L1TD1: variants seen among roughly 807,000 people sequenced by gnomAD.
L1TD1 encodes the protein LINE-1 type transposase domain-containing protein 1.
In L1TD1, 26 loss-of-function variants were observed where a neutral mutation model predicts 25.7. The observed-to-expected ratio is 1.01, with a 90% CI of 0.74 to 1.40. L1TD1 has a LOEUF of 1.40. Ranked by LOEUF, L1TD1 falls within the 40% of genes most tolerant of loss-of-function variation. The pLI is 0.00. For synonymous variants in L1TD1, 421 were observed against 335.6 expected, an observed-to-expected ratio of 1.25 and a Z score of -2.78; for missense variants, 1,130 against 975.0, an observed-to-expected ratio of 1.16 and a Z score of -2.12.
intron 2 of L1TD1, among the ~76,000 whole-genome samples, chr1:62,201,490 T>A (rs375213317): frequency 0.2 from 25,927 of 132,806 alleles, 3,076 homozygotes; most frequent in Middle Eastern, 0.31. Flanking sequence ...AGACCCTGCT[T>A]AAAAAAAAAA....
chr1:62,209,065 T>G (rs1670807599), intron 3 of L1TD1, among the ~76,000 whole-genome samples: 1 of 152,170 alleles, frequency 6.6e-6, no homozygotes, highest in Admixed American at 6.5e-5. Context: ...ACATTTATAT[T>G]GCAGACATCA....
At chr1:62,197,295 G>C (rs1436573035) in intron 2 of L1TD1, among the ~76,000 whole-genome samples, 1 of 151,222 alleles carries the variant, frequency 6.6e-6, no homozygotes, top group Non-Finnish European at 1.5e-5. Context: ...GCTGAGGCAG[G>C]AGAATCGCTT....
intron 2 of L1TD1, 146 bp downstream of exon 2, chr1:62,196,674 C>T (rs1297329569): frequency 6.6e-6 from 1 of 152,202 alleles, no homozygotes; most frequent in African/African-American, 2.4e-5. Context: ...CTCACTGCAA[C>T]CTACGCCTCC....
intron 2 of L1TD1, among the ~76,000 whole-genome samples, chr1:62,201,003 A>G (rs1670629446): frequency 6.6e-6 from 1 of 151,802 alleles, no homozygotes; most frequent in South Asian, 2.1e-4. Flanking sequence ...CGTTAACCCT[A>G]ATTCAACCTC....
Position 62,212,230 on chromosome 1 carries a change from GTC to G in L1TD1, c.*860_*861del, listed in dbSNP as rs1670891642. The stretch of plus-strand genomic sequence containing the variant: ...CCATCCTGGGCAATGTGGCGAAAGT[GTC>G]TACAAAAAAATACAAAAAGAGGAAG... On this transcript the variant is annotated 3_prime_UTR_variant, in exon 4 of 4. Transcript: ENST00000498273. 1 of 152,042 alleles carries G rather than the reference GTC, an allele frequency of 6.6e-6. No individual in the cohort carries two copies. The highest frequency in any genetic ancestry group is 2.4e-5 in the African/African-American group (1 of 41,384). The allele number at this position is 152,042 out of a possible 1,614,324, so 9.4% of individuals were successfully genotyped here.
intron 2 of L1TD1, among the ~76,000 whole-genome samples, chr1:62,200,907 T>C (rs1240589392): frequency 1.3e-5 from 2 of 152,096 alleles, no homozygotes; most frequent in African/African-American, 4.8e-5. Context: ...TTAGTTTTAG[T>C]TTATTTGTTT....
Position 62,206,611 on chromosome 1 carries a change from CTT to C in L1TD1, c.-17_-16del, listed in dbSNP as rs1377969586. 8.9e-6 allele frequency: 13 copies of C among 1,467,842 alleles called. No homozygotes were observed. Among genetic ancestry groups the C allele is most frequent in the Non-Finnish European group, 1.2e-5 (13 of 1,108,920 alleles). The allele number at this position is 1,467,842 out of a possible 1,614,324, so 90.9% of individuals were successfully genotyped here. On this transcript the variant is annotated 5_prime_UTR_variant, in exon 3 of 4. Coordinates refer to ENST00000498273, the MANE Select transcript of L1TD1 (RefSeq NM_019079.5). ...GTAGGAATTAAAAACAGAATCCAGT[CTT>C]GACAACATATCCACAATGTCTGATG...
chr1:62,205,415 CTCTATATATATATA>C (rs1480922219), intron 2 of L1TD1, among the ~76,000 whole-genome samples: 1 of 33,892 alleles, frequency 3.0e-5, no homozygotes, highest in Non-Finnish European at 5.3e-5. Context: ...CTCTCTCTCT[CTCTATATATATATA>C]TATATATATA....
At chr1:62,203,610 G>C (rs537585292) in intron 2 of L1TD1, among the ~76,000 whole-genome samples, 1 of 151,836 alleles carries the variant, frequency 6.6e-6, no homozygotes, top group Non-Finnish European at 1.5e-5. Flanking sequence ...ACGGAGTCTC[G>C]CTCTGACGCT....
At chr1:62,205,377 C>T (rs1384446093) in intron 2 of L1TD1, among the ~76,000 whole-genome samples, 1 of 80,664 alleles carries the variant, frequency 1.2e-5, no homozygotes, top group East Asian at 2.8e-4. Flanking sequence ...CTCTCTTTCT[C>T]TCTCTCTCTC....
At chr1:62,209,266 A>G (rs1248811961) in intron 3 of L1TD1, among the ~76,000 whole-genome samples, 1 of 149,544 alleles carries the variant, frequency 6.7e-6, no homozygotes, top group African/African-American at 2.5e-5. Flanking sequence ...TCCTAAGGCT[A>G]GAGTGTAAAC....
rs1387854777 is a variant in L1TD1 at position 62,210,127 on chromosome 1, GGTAGATGCAAA to G, written c.1355_1365del (p.Val452AlafsTer2). ...ACTCAACCTTTCAGGGTCATACTTT[GGTAGATGCAAA>G]GCATGAAGTTGAGATAACCAGTGAT... On this transcript the variant is annotated frameshift_variant, in exon 4 of 4. Transcript: ENST00000498273. LOFTEE classifies it low-confidence loss of function (END_TRUNC). 1.2e-6 allele frequency: 2 copies of G among 1,613,894 alleles called. No homozygotes were observed. Among genetic ancestry groups the G allele is most frequent in the Non-Finnish European group, 1.7e-6 (2 of 1,180,018 alleles).
At chr1:62,205,583 C>T (rs2149100627) in intron 2 of L1TD1, among the ~76,000 whole-genome samples, 1 of 151,136 alleles carries the variant, frequency 6.6e-6, no homozygotes, top group South Asian at 2.1e-4. Context: ...AGGCACGTGC[C>T]ACCATACCTG....
intron 3 of L1TD1, among the ~76,000 whole-genome samples, chr1:62,207,960 G>T (rs762306786): frequency 6.6e-6 from 1 of 152,150 alleles, no homozygotes; most frequent in Admixed American, 6.5e-5. Context: ...GATCCACCTC[G>T]GCTACCCAAA....
chr1:62,201,036 C>A (rs1670629815), intron 2 of L1TD1, among the ~76,000 whole-genome samples: 1 of 152,010 alleles, frequency 6.6e-6, no homozygotes, highest in Admixed American at 6.6e-5. Context: ...TCAAGTGATT[C>A]TCCTGTCTCA....
At position 62,209,893 on chromosome 1, in the gene L1TD1, CT is replaced by C; in HGVS notation, c.1121del (p.Leu374Ter). ...TTGCTAAGCCAGAGGAGATGAAAAA[CT>C]TAGAGACTCAAGAGGAAGAGTTTTC... ...KVAKPEEMKN[L>X]ETQEEEFSEL... On this transcript the variant is annotated frameshift_variant, in exon 4 of 4. Coordinates refer to ENST00000498273, the MANE Select transcript of L1TD1 (RefSeq NM_019079.5). LOFTEE classifies it low-confidence loss of function (END_TRUNC). 1 of 1,613,946 alleles carries C rather than the reference CT, an allele frequency of 6.2e-7. No homozygotes were observed. The highest frequency in any genetic ancestry group is 1.7e-5 in the Admixed American group (1 of 59,984).
chr1:62,201,662 A>G (rs972754309), intron 2 of L1TD1, among the ~76,000 whole-genome samples: 1 of 152,176 alleles, frequency 6.6e-6, no homozygotes, highest in Admixed American at 6.6e-5. Flanking sequence ...TTTCACCTGT[A>G]AAAACTTCAG....
rs528121289 is a variant in L1TD1, at chr1:62,207,293, A to C, written c.665A>C (p.Asn222Thr). The C allele has an allele frequency of 1.4e-5, 22 of 1,551,048 alleles. No individual in the cohort carries two copies. Among genetic ancestry groups the C allele is most frequent in the African/African-American group, 2.7e-5 (2 of 73,066 alleles). Residue 222 changes from asparagine (N) to threonine (T), a missense_variant, in exon 3 of 4, where the codon AAT becomes ACT. By Grantham distance (65) the Asn-to-Thr change is moderately conservative (BLOSUM62 0). Coordinates refer to ENST00000498273, the MANE Select transcript of L1TD1 (RefSeq NM_019079.5). Reference protein sequence around the residue: ...REERKFQKLKNKEEVLKASRE... With the variant: ...REERKFQKLKTKEEVLKASRE... ...GAAAGAAAATTTCAGAAATTGAAGA[A>C]TAAAGAGGAGGTTTTAAAAGCCTCC... is the stretch of plus-strand genomic sequence containing the variant.
chr1:62,202,335 T>C (rs192359084), intron 2 of L1TD1, among the ~76,000 whole-genome samples: 2 of 152,012 alleles, frequency 1.3e-5, no homozygotes, highest in East Asian at 3.9e-4. Context: ...AAATGTGTAA[T>C]TAATATTGAT....
Sources: allele counts gnomAD v4.1 joint callset (sites outside exome capture counted in the v4.1 genomes callset), GRCh38; gene constraint gnomAD v4.1.1; transcripts MANE v1.5; gene names NCBI Gene and HGNC (gene_info 2026-07-23, HGNC 2026-07-21).